The following DPY19L3 variants were observed in gnomAD, a reference collection of about 807,000 sequenced individuals.
The protein encoded by DPY19L3 is protein C-mannosyl-transferase DPY19L3.
In DPY19L3, 51 loss-of-function variants were observed where a neutral mutation model predicts 92.3. The ratio of observed to expected loss-of-function variants is 0.55; its 90% CI spans 0.44 to 0.70. The LOEUF (loss-of-function observed/expected upper bound fraction) is 0.70, where lower values mean the gene tolerates loss of function less well. Ranked by LOEUF, DPY19L3 falls within the 30% of genes least tolerant of loss-of-function variation. The probability of loss-of-function intolerance (pLI) is 0.00; values close to 1 mark genes in which losing one functional copy is unlikely to be tolerated. For missense variants in DPY19L3, 706 were observed against 855.9 expected (o/e 0.82, Z 2.18); for synonymous variants, 309 against 315.2 (o/e 0.98, Z 0.21).
At chr19:32,416,304 A>T (rs1027832469) in intron 3 of DPY19L3, among the ~76,000 whole-genome samples, 10 of 152,316 alleles carry the variant, frequency 6.6e-5, no homozygotes, top group Admixed American at 2.0e-4. Flanking sequence ...AGCGGGGTGG[A>T]TGGATGGACA....
chr19:32,413,454 T>TC (rs1284716549), intron 3 of DPY19L3, among the ~76,000 whole-genome samples: 1 of 151,938 alleles, frequency 6.6e-6, no homozygotes, highest in Non-Finnish European at 1.5e-5. Context: ...CTTTTTTTTT[T>TC]TAATTATTAT....
At chr19:32,436,638 T>C (rs77223299) in intron 5 of DPY19L3, 71 bp downstream of exon 5, 1 of 1,266,134 alleles carries the variant, frequency 7.9e-7, no homozygotes, top group Admixed American at 2.8e-5. Flanking sequence ...CTGAAAGTTA[T>C]CACATCGTTC....
At chr19:32,468,454 AT>A in intron 15 of DPY19L3, 2 of 1,101,994 alleles carry the variant, frequency 1.8e-6, no homozygotes, top group Non-Finnish European at 2.2e-6. Context: ...ATACAATAGC[AT>A]TTCTATTGGA....
At chr19:32,477,807 C>G (rs1308837092) in intron 17 of DPY19L3, among the ~76,000 whole-genome samples, 153 bp downstream of exon 17, 1 of 152,152 alleles carries the variant, frequency 6.6e-6, no homozygotes, top group Non-Finnish European at 1.5e-5. Flanking sequence ...TAAAGGCATA[C>G]CTGACACTGG....
At chr19:32,456,086 T>C (rs996791431) in intron 10 of DPY19L3, among the ~76,000 whole-genome samples, 1 of 109,214 alleles carries the variant, frequency 9.2e-6, no homozygotes, top group African/African-American at 3.2e-5. Context: ...GTTCTTTTTT[T>C]TTTTTTTTTT....
chr19:32,468,885 T>C, intron 16 of DPY19L3, 72 bp downstream of exon 16: 1 of 1,458,792 alleles, frequency 6.9e-7, no homozygotes, highest in Non-Finnish European at 9.2e-7. Flanking sequence ...CATTTCGTTT[T>C]GGGGGTTTTT....
At chr19:32,423,276 T>C (rs897090965) in intron 3 of DPY19L3, among the ~76,000 whole-genome samples, 1 of 152,084 alleles carries the variant, frequency 6.6e-6, no homozygotes, top group Non-Finnish European at 1.5e-5. Context: ...GCTCGCTCTG[T>C]CGCCTAGGCT....
chr19:32,449,239 T>C (rs1969617847), intron 8 of DPY19L3, among the ~76,000 whole-genome samples: 1 of 152,192 alleles, frequency 6.6e-6, no homozygotes, highest in Admixed American at 6.5e-5. Context: ...CAATTTACGC[T>C]TTACAAAACA....
intron 15 of DPY19L3, chr19:32,467,814 A>G (rs1970242955): frequency 1.0e-6 from 1 of 978,060 alleles, no homozygotes; most frequent in African/African-American, 1.8e-5. Context: ...AACAATTAAG[A>G]TTTAGTTAAT....
At chr19:32,437,158 C>T in intron 5 of DPY19L3, 36 bp from the exon 6 acceptor site, 1 of 1,612,236 alleles carries the variant, frequency 6.2e-7, no homozygotes, top group Non-Finnish European at 8.5e-7. Context: ...GGTTAGGGCT[C>T]ACCTGACAAA....
At chr19:32,463,779 T>C (rs2145597622) in intron 13 of DPY19L3, 90 bp from the exon 14 acceptor site, 1 of 1,179,584 alleles carries the variant, frequency 8.5e-7, no homozygotes. Flanking sequence ...TTTGCCGTCA[T>C]AGACTGTAAA....
At chr19:32,460,813 C>T (rs978288138) in intron 12 of DPY19L3, among the ~76,000 whole-genome samples, 1 of 151,816 alleles carries the variant, frequency 6.6e-6, no homozygotes, top group Non-Finnish European at 1.5e-5. Flanking sequence ...GTATTTCTAC[C>T]TTTTTAGTAC....
rs990388738 is a variant in DPY19L3, at chr19:32,477,382, G to T, written c.1698-140G>T. 8 of 1,138,072 alleles carry T rather than the reference G, an allele frequency of 7.0e-6. No homozygotes were observed. The African/African-American group carries it at 1.1e-4, about 15-fold the overall frequency. 70.5% of individuals were successfully genotyped at this position (1,138,072 alleles called of 1,614,324 possible). ...AGTTTGAGTACAAATCAAAACCGAA[G>T]CAAACTCCCGTTTTTTTTCCCTGAC... On this transcript the variant is annotated intron_variant, in intron 16 of 18. Coordinates refer to ENST00000392250, the MANE Select transcript of DPY19L3 (RefSeq NM_001172774.2).
intron 3 of DPY19L3, among the ~76,000 whole-genome samples, chr19:32,416,840 A>G (rs1968394765): frequency 6.6e-6 from 1 of 152,220 alleles, no homozygotes; most frequent in African/African-American, 2.4e-5. Context: ...ATTATTGCCC[A>G]CAAGGCTGGA....
Position 32,437,267 on chromosome 19 carries a change from A to G in DPY19L3, c.524A>G (p.Tyr175Cys). The change falls in exon 6 of 19, where the codon TAC becomes TGC. Residue 175 changes from tyrosine to cysteine, a missense_variant. Coordinates refer to ENST00000392250, the MANE Select transcript of DPY19L3 (RefSeq NM_001172774.2). ...GLQAIYVTAL[Y>C]ITSWLLSGTW... ...CAGGCGATCTATGTCACAGCTCTCT[A>G]CATAACCAGCTGGCTACTCAGTGGT... The G allele has an allele frequency of 6.2e-7, 1 of 1,614,194 alleles. No individual in the cohort carries two copies. The highest frequency in any genetic ancestry group is 8.5e-7 in the Non-Finnish European group (1 of 1,180,018).
intron 2 of DPY19L3, 30 bp from the exon 3 acceptor site, chr19:32,411,209 A>T (rs1968168669): frequency 6.9e-6 from 11 of 1,591,192 alleles, no homozygotes; most frequent in Non-Finnish European, 9.4e-6. Context: ...TTACTGACTT[A>T]GTTATTTATC....
chr19:32,461,705 C>T (rs1970045534), intron 12 of DPY19L3, among the ~76,000 whole-genome samples: 1 of 152,190 alleles, frequency 6.6e-6, no homozygotes, highest in South Asian at 2.1e-4. Context: ...TCTCTAGTTA[C>T]ATAGAGAAGC....
At chr19:32,434,213 C>CTTTA (rs1222638672) in intron 4 of DPY19L3, among the ~76,000 whole-genome samples, 1 of 152,168 alleles carries the variant, frequency 6.6e-6, no homozygotes, top group Non-Finnish European at 1.5e-5. Flanking sequence ...CAACAGAATA[C>CTTTA]TTTAGCCTCT....
intron 8 of DPY19L3, among the ~76,000 whole-genome samples, chr19:32,449,331 A>G (rs1969622103): frequency 6.6e-6 from 1 of 152,198 alleles, no homozygotes; most frequent in Admixed American, 6.5e-5. Flanking sequence ...TACTGTTGTT[A>G]AGATGGCAGT....
Sources: gnomAD v4.1 joint callset for allele counts (sites outside exome capture counted in the v4.1 genomes callset) on GRCh38, gnomAD v4.1.1 for gene constraint, MANE v1.5 for transcripts, NCBI Gene and HGNC (gene_info 2026-07-23, HGNC 2026-07-21) for gene names.